Variants in GLIS3 observed in about 807,000 individuals in gnomAD.
The protein encoded by GLIS3 is zinc finger protein GLIS3.
Under a neutral mutation model 78.6 loss-of-function variants are expected in GLIS3, and 53 were observed. The observed-to-expected ratio is 0.67, with a 90% CI of 0.54 to 0.85. The LOEUF is 0.85. GLIS3 is among the 40% of genes least tolerant of loss of function. The pLI is 0.00. For missense variants in GLIS3, 1,703 were observed against 1,231.1 expected (o/e 1.38, Z -5.74); for synonymous variants, 684 against 509.9 (o/e 1.34, Z -4.60).
intron 2 of GLIS3, among the ~76,000 whole-genome samples, chr9:4,316,669 C>G (rs564735744): frequency 6.6e-6 from 1 of 152,194 alleles, no homozygotes; most frequent in Admixed American, 6.5e-5. Flanking sequence ...GTGAGTGTGC[C>G]CTGAGATGGG....
intron 1 of GLIS3, among the ~76,000 whole-genome samples, chr9:4,295,429 G>A (rs1054509385): frequency 6.6e-6 from 1 of 152,150 alleles, no homozygotes; most frequent in African/African-American, 2.4e-5. Context: ...ATTTCTGCAA[G>A]CCAGACTGTT....
chr9:4,469,468 A>C, the GLIS3 span, among the ~76,000 whole-genome samples: 31,571 of 152,090 alleles, frequency 0.21, 3,325 homozygotes, highest in Admixed American at 0.23. Flanking sequence ...AACTAGAACT[A>C]AGGATTGAGA....
intron 2 of GLIS3, among the ~76,000 whole-genome samples, chr9:4,228,191 A>C (rs1285016485): frequency 8.7e-6 from 1 of 114,942 alleles, no homozygotes; most frequent in Non-Finnish European, 1.7e-5. Context: ...AGAGAAGTCT[A>C]AGGTGGCAAA....
intron 4 of GLIS3, among the ~76,000 whole-genome samples, chr9:3,962,227 AAGG>A: frequency 6.6e-6 from 1 of 152,138 alleles, no homozygotes; most frequent in African/African-American, 2.4e-5. Flanking sequence ...TTCAAAAAAA[AAGG>A]AGAAGAAAGA....
chr9:4,343,577 G>T (rs749637682), intron 2 of GLIS3, among the ~76,000 whole-genome samples: 1 of 152,098 alleles, frequency 6.6e-6, no homozygotes, highest in Non-Finnish European at 1.5e-5. Flanking sequence ...ATGCCTAAAG[G>T]AATATAAATC....
At chr9:4,284,023 G>C (rs554746748) in intron 2 of GLIS3, among the ~76,000 whole-genome samples, 13 of 152,210 alleles carry the variant, frequency 8.5e-5, no homozygotes, top group South Asian at 4.1e-4. Context: ...ATTTCAAGGT[G>C]TATCAACCCT....
At chr9:4,161,079 TAAAA>T (rs59854446) in intron 2 of GLIS3, among the ~76,000 whole-genome samples, 3 of 135,822 alleles carry the variant, frequency 2.2e-5, no homozygotes, top group African/African-American at 2.8e-5. Flanking sequence ...CCCCATCTCT[TAAAA>T]AAAAAAAAAA....
At chr9:3,868,029 T>C (rs529519150) in intron 8 of GLIS3, among the ~76,000 whole-genome samples, 3 of 152,332 alleles carry the variant, frequency 2.0e-5, no homozygotes, top group Non-Finnish European at 2.9e-5. Flanking sequence ...TGCAGGCTGA[T>C]AAAAATGGTT....
intron 2 of GLIS3, among the ~76,000 whole-genome samples, chr9:4,253,177 G>C (rs541279358): frequency 6.6e-6 from 1 of 152,324 alleles, no homozygotes; most frequent in African/African-American, 2.4e-5. Context: ...AGAGCCGGCA[G>C]GCAGGAACGT....
chr9:4,403,610 G>C, the GLIS3 span, among the ~76,000 whole-genome samples: 1 of 152,186 alleles, frequency 6.6e-6, no homozygotes, highest in East Asian at 1.9e-4. Flanking sequence ...TTTTCTTTTT[G>C]CATGTTTATT....
chr9:4,260,225 G>C (rs564678689), intron 2 of GLIS3, among the ~76,000 whole-genome samples: 1 of 152,184 alleles, frequency 6.6e-6, no homozygotes, highest in East Asian at 1.9e-4. Context: ...AAGGTCAAGA[G>C]ATTGAGACCA....
chr9:4,439,861 T>C, the GLIS3 span, among the ~76,000 whole-genome samples: 32 of 152,098 alleles, frequency 2.1e-4, no homozygotes, highest in Non-Finnish European at 4.4e-5. Flanking sequence ...GTGGGGTTCT[T>C]TTGCAGAGAA....
At chr9:4,264,531 C>T (rs1277695598) in intron 2 of GLIS3, among the ~76,000 whole-genome samples, 1 of 152,160 alleles carries the variant, frequency 6.6e-6, no homozygotes, top group Non-Finnish European at 1.5e-5. Context: ...CTATCTCAGT[C>T]TATAAGAACC....
chr9:4,348,422 G>T (rs1817923101), upstream of GLIS3: 2 of 152,224 alleles, frequency 1.3e-5, no homozygotes, highest in African/African-American at 4.8e-5. Context: ...GCTGATAGGA[G>T]GCAAAAGCAA....
At chr9:4,037,703 C>T (rs1015578098) in intron 4 of GLIS3, among the ~76,000 whole-genome samples, 2 of 152,162 alleles carry the variant, frequency 1.3e-5, no homozygotes, top group African/African-American at 2.4e-5. Flanking sequence ...TGCCAACAGA[C>T]TCGGAGTCAC....
chr9:4,247,706 C>T (rs1823928997), intron 2 of GLIS3, among the ~76,000 whole-genome samples: 2 of 152,092 alleles, frequency 1.3e-5, no homozygotes, highest in South Asian at 2.1e-4. Context: ...GCTATTATTA[C>T]TTGTAGATTA....
In GLIS3 at chr9:3,879,418, T is replaced by G; in HGVS notation, c.2297+9A>C. ...ACACCTATTAGGAGAGAGAGACAGA[T>G]GGCCTTACCTCTCAGCTCCTGCGTC... On this transcript the variant is annotated intron_variant, in intron 8 of 10. Transcript: ENST00000381971. 1 of 1,613,602 alleles carries G rather than the reference T, an allele frequency of 6.2e-7. No individual in the cohort carries two copies. The highest frequency in any genetic ancestry group is 1.1e-5 in the South Asian group (1 of 91,064).
intron 7 of GLIS3, among the ~76,000 whole-genome samples, chr9:3,881,962 T>C (rs1332098797): frequency 6.6e-6 from 1 of 152,270 alleles, no homozygotes; most frequent in African/African-American, 2.4e-5. Context: ...TATGACAATT[T>C]ATACTACTGA....
chr9:4,423,772 G>T, the GLIS3 span, among the ~76,000 whole-genome samples: 1 of 151,996 alleles, frequency 6.6e-6, no homozygotes, highest in Non-Finnish European at 1.5e-5. Context: ...TATCTTTCCT[G>T]GTATTTCTAG....
Sources: allele counts gnomAD v4.1 joint callset (sites outside exome capture counted in the v4.1 genomes callset), GRCh38; gene constraint gnomAD v4.1.1; transcripts MANE v1.5; gene names NCBI Gene and HGNC (gene_info 2026-07-23, HGNC 2026-07-21).